Variants in TCF7L2 observed in about 807,000 individuals in gnomAD.
TCF7L2 encodes transcription factor 7-like 2.
TCF7L2 carries 23 observed loss-of-function variants against 77.9 expected under a neutral mutation model. That is an observed-to-expected ratio of 0.30 (90% confidence interval 0.21 to 0.42). TCF7L2 has a LOEUF of 0.42. Among genes scored for constraint, TCF7L2 ranks in the 10% least tolerant of loss-of-function variants. The pLI, the probability that TCF7L2 is intolerant of heterozygous loss-of-function variation, is 1.00. For missense variants in TCF7L2, 654 were observed against 793.1 expected (o/e 0.82, Z 2.11); for synonymous variants, 413 against 340.2 (o/e 1.21, Z -2.36).
intron 12 of TCF7L2, among the ~76,000 whole-genome samples, chr10:113,159,109 C>G (rs1032888104): frequency 6.6e-6 from 1 of 151,518 alleles, no homozygotes; most frequent in Non-Finnish European, 1.5e-5. Flanking sequence ...TTTTCTCACG[C>G]AAGCATGCAT....
intron 7 of TCF7L2, among the ~76,000 whole-genome samples, chr10:113,145,533 G>C (rs1051978924): frequency 2.0e-5 from 3 of 152,048 alleles, no homozygotes; most frequent in African/African-American, 7.2e-5. Flanking sequence ...TTGACAAAAG[G>C]CTACAAATTA....
chr10:112,970,364 G>C (rs528006308), intron 4 of TCF7L2, among the ~76,000 whole-genome samples: 1 of 151,616 alleles, frequency 6.6e-6, no homozygotes, highest in East Asian at 2.0e-4. Context: ...CCTTCTGCTT[G>C]GTCTTAGAAC....
At chr10:112,987,752 T>C in intron 4 of TCF7L2, 1 of 155,772 alleles carries the variant, frequency 6.4e-6, no homozygotes, top group Non-Finnish European at 1.4e-5. Flanking sequence ...CAGAATCATC[T>C]GCTCCTGTCC....
At chr10:113,086,562 G>C (rs548817261) in intron 5 of TCF7L2, among the ~76,000 whole-genome samples, 1 of 152,334 alleles carries the variant, frequency 6.6e-6, no homozygotes, top group South Asian at 2.1e-4. Context: ...TCCCACTTCT[G>C]AAGCTGGGGG....
intron 5 of TCF7L2, among the ~76,000 whole-genome samples, chr10:113,042,454 C>T (rs926990875): frequency 5.9e-5 from 9 of 151,930 alleles, no homozygotes; most frequent in African/African-American, 1.5e-4. Context: ...CTCTGGGAGC[C>T]GGGGAGAAGG....
At chr10:113,025,348 C>T (rs948553712) in intron 4 of TCF7L2, among the ~76,000 whole-genome samples, 2 of 151,596 alleles carry the variant, frequency 1.3e-5, no homozygotes, top group African/African-American at 4.9e-5. Context: ...AAGTGATTCT[C>T]CTGTCTCAGC....
intron 8 of TCF7L2, among the ~76,000 whole-genome samples, chr10:113,149,621 C>T (rs2070305449): frequency 6.6e-6 from 1 of 152,214 alleles, no homozygotes; most frequent in Admixed American, 6.5e-5. Context: ...CTGGAAAAAA[C>T]TTTGTAAATA....
rs752731332 is a variant in TCF7L2, at chr10:113,165,687, G to A, written c.1524G>A (p.Lys508=). 2.0e-6 allele frequency: 3 copies of A among 1,510,538 alleles called. No individual in the cohort carries two copies. Among genetic ancestry groups the A allele is most frequent in the Non-Finnish European group, 2.7e-6 (3 of 1,118,324 alleles). 93.6% of individuals were successfully genotyped at this position (1,510,538 alleles called of 1,614,324 possible). The change falls in exon 14 of 14, where the codon AAG becomes AAA. Residue 508 remains lysine (K), a synonymous_variant. Transcript: ENST00000627217. The stretch of plus-strand genomic sequence containing the variant: ...TAGGCTCCCCTCCCCGAGACGCCAA[G>A]TCACAGACTGAGCAGACCCAGCCTC...
At chr10:113,127,431 T>C (rs1169071995) in intron 5 of TCF7L2, among the ~76,000 whole-genome samples, 2 of 152,158 alleles carry the variant, frequency 1.3e-5, no homozygotes, top group Non-Finnish European at 2.9e-5. Flanking sequence ...AAACAAAAGT[T>C]TGCTGATGCT....
At chr10:112,980,733 T>C (rs1385518386) in intron 4 of TCF7L2, among the ~76,000 whole-genome samples, 3 of 152,064 alleles carry the variant, frequency 2.0e-5, no homozygotes, top group African/African-American at 7.2e-5. Flanking sequence ...GTTCATGCCG[T>C]TCTCCTACCT....
chr10:113,046,934 TTC>T (rs1183720455), intron 5 of TCF7L2, among the ~76,000 whole-genome samples: 1 of 152,222 alleles, frequency 6.6e-6, no homozygotes, highest in Non-Finnish European at 1.5e-5. Context: ...ATTTCCAACG[TTC>T]TGTTTATTTA....
chr10:112,998,607 CG>C (rs1251689837), intron 4 of TCF7L2, among the ~76,000 whole-genome samples: 1 of 152,100 alleles, frequency 6.6e-6, no homozygotes, highest in African/African-American at 2.4e-5. Context: ...ATTTAATTGC[CG>C]TATGAGGCAC....
chr10:113,141,220 G>C lies in TCF7L2; in HGVS notation c.589G>C (p.Val197Leu). 6.2e-7 allele frequency: 1 copy of C among 1,614,130 alleles called. No homozygotes were observed. Among genetic ancestry groups the C allele is most frequent in the Non-Finnish European group, 8.5e-7 (1 of 1,180,042 alleles). ...GCCAGTGGTGCAGCACCCTCACCAT[G>C]TCCACCCCCTCACGCCTCTTATCAC... The change falls in exon 6 of 14, where the codon GTC (valine) becomes CTC (leucine). Residue 197 changes from valine (V) to leucine (L), a missense_variant. Physicochemically the swap from Val to Leu is conservative, Grantham distance 32 (BLOSUM62 1). Around this residue, in one of 6 missense-constraint regions of TCF7L2, gnomAD observed 179 missense variants for 270.6 expected, o/e 0.66. Coordinates refer to ENST00000627217, the MANE Select transcript of TCF7L2 (RefSeq NM_001146274.2).
At chr10:113,122,748 A>G (rs1763503101) in intron 5 of TCF7L2, among the ~76,000 whole-genome samples, 1 of 152,226 alleles carries the variant, frequency 6.6e-6, no homozygotes, top group South Asian at 2.1e-4. Context: ...CGGAATTTCT[A>G]GTAAATTGCT....
chr10:113,061,829 C>T (rs1022664097), intron 5 of TCF7L2, among the ~76,000 whole-genome samples: 16 of 152,214 alleles, frequency 1.1e-4, no homozygotes, highest in Admixed American at 9.8e-4. Context: ...TAAAAGTTGG[C>T]AACGCCTGCC....
At chr10:113,118,388 G>A (rs1367514130) in intron 5 of TCF7L2, among the ~76,000 whole-genome samples, 1 of 152,180 alleles carries the variant, frequency 6.6e-6, no homozygotes, top group Non-Finnish European at 1.5e-5. Flanking sequence ...TGGATAGTAA[G>A]ACTTATTTAG....
chr10:113,073,133 A>T (rs28752138), intron 5 of TCF7L2, among the ~76,000 whole-genome samples: 17,218 of 81,436 alleles, frequency 0.21, 987 homozygotes, highest in African/African-American at 0.31. Context: ...TGTGTGTGAG[A>T]GAGAGAGAGA....
chr10:112,951,111 C>A (rs2030905341), intron 1 of TCF7L2, 96 bp from the exon 2 acceptor site: 3 of 605,310 alleles, frequency 5.0e-6, no homozygotes, highest in Non-Finnish European at 7.4e-6. Flanking sequence ...TTTTTTTCTA[C>A]CCCCCCCTCG....
At position 113,139,835 on chromosome 10, in the gene TCF7L2, A is replaced by T. The variant is rs947296604; in HGVS notation, c.553-1349A>T. Reference sequence around the variant, plus strand: ...TTAAAAAAAAAAAAAAAAAAAGGACAAGAAGAGAAATAGTAAAGAGAACTA... The same window carrying T: ...TTAAAAAAAAAAAAAAAAAAAGGACTAGAAGAGAAATAGTAAAGAGAACTA... On this transcript the variant is annotated intron_variant, in intron 5 of 13. Coordinates refer to ENST00000627217, the MANE Select transcript of TCF7L2 (RefSeq NM_001146274.2). Among the ~76,000 whole-genome samples the T allele has an allele frequency of 6.6e-5, 10 of 150,836 alleles. No homozygotes were observed. The East Asian group carries it at 1.9e-3, about 29-fold the overall frequency.
Sources: gnomAD v4.1 joint callset for allele counts (sites outside exome capture counted in the v4.1 genomes callset) on GRCh38, gnomAD v4.1.1 for gene constraint, gnomAD v4.1.1 regional missense constraint, MANE v1.5 for transcripts, NCBI Gene and HGNC (gene_info 2026-07-23, HGNC 2026-07-21) for gene names.